The following MXRA5 variants were observed in gnomAD, a reference collection of about 807,000 sequenced individuals.
The protein encoded by MXRA5 is matrix remodeling associated 5, also known as matrix-remodeling-associated protein 5.
Under a neutral mutation model 112.5 loss-of-function variants are expected in MXRA5, and 41 were observed. The observed-to-expected ratio is 0.36, with a 90% CI of 0.28 to 0.47. The LOEUF (loss-of-function observed/expected upper bound fraction) is 0.47. MXRA5 is among the 20% of genes least tolerant of loss of function. MXRA5 has a pLI of 0.99. For missense variants in MXRA5, 2,150 were observed against 2,251.0 expected, an observed-to-expected ratio of 0.96 and a Z score of 0.91; for synonymous variants, 862 against 900.8, an observed-to-expected ratio of 0.96 and a Z score of 0.77.
At chrX:3,342,077 G>A (rs1176065566) in intron 2 of MXRA5, among the ~76,000 whole-genome samples, 2 of 110,628 alleles carry the variant, frequency 1.8e-5, no homozygotes, top group South Asian at 3.8e-4. Flanking sequence ...GAAGGAAATC[G>A]TGTCCTTTCC....
rs747310407 is a variant in MXRA5, at chrX:3,324,172, C to A, written c.1513G>T (p.Ala505Ser). Residue 505 changes from alanine (A) to serine (S), a missense_variant, in exon 5 of 7, where the codon GCT becomes TCT. By Grantham distance (99) the Ala-to-Ser change is moderately conservative. Transcript: ENST00000217939. ...CAGAAGATAGATGGACTCTCAGAAG[C>A]TTTCACGTTGCAGCTCAACTGGCAT... ...GPCQLSCNVK[A>S]SESPSIFWVL... The A allele has an allele frequency of 8.3e-7, 1 of 1,211,622 alleles. No homozygotes were observed. Among genetic ancestry groups the A allele is most frequent in the Non-Finnish European group, 1.1e-6 (1 of 895,529 alleles).
intron 2 of MXRA5, among the ~76,000 whole-genome samples, chrX:3,343,259 T>C (rs1426332856): frequency 8.9e-6 from 1 of 112,601 alleles, no homozygotes; most frequent in Non-Finnish European, 1.9e-5. Context: ...TGCTTATTTT[T>C]ATTATTCTTA....
At position 3,330,757 on chromosome X, in the gene MXRA5, C is replaced by T; in HGVS notation, c.205G>A (p.Ala69Thr). 1 of 1,185,542 alleles carries T rather than the reference C, an allele frequency of 8.4e-7. No homozygotes were observed. The highest frequency in any genetic ancestry group is 3.0e-5 in the East Asian group (1 of 33,553). ...CCTGCAAATGAGGTTTCTGACAGGGCCTGTATGCTATTAAACCTAAAGAAT... is the reference window on the plus strand; with the variant it reads ...CCTGCAAATGAGGTTTCTGACAGGGTCTGTATGCTATTAAACCTAAAGAAT... ...RINLGFNSIQ[A>T]LSETSFAGLT... Residue 69 changes from alanine to threonine, a missense_variant, in exon 3 of 7, where the codon GCC becomes ACC. By Grantham distance (58) the Ala-to-Thr change is moderately conservative. Around this residue, in one of 6 missense-constraint regions of MXRA5, gnomAD observed 386 missense variants for 411.0 expected, o/e 0.94. Coordinates refer to ENST00000217939, the MANE Select transcript of MXRA5 (RefSeq NM_015419.4).
At position 3,320,258 on chromosome X, in the gene MXRA5, G is replaced by C; in HGVS notation, c.5427C>G (p.Val1809=). ...PSTNLQNIPM[V]SSTQSSISFI... ...AGGAGATAGAACTCTGGGTGGAAGAGACCATAGGGATATTCTGTAAGTTAG... is the reference window on the plus strand; with the variant it reads ...AGGAGATAGAACTCTGGGTGGAAGACACCATAGGGATATTCTGTAAGTTAG... Residue 1809 remains valine (V), a synonymous_variant, in exon 5 of 7, where the codon GTC becomes GTG. Transcript: ENST00000217939. 1.7e-6 allele frequency: 2 copies of C among 1,211,035 alleles called. No individual in the cohort carries two copies. Among genetic ancestry groups the C allele is most frequent in the Non-Finnish European group, 2.2e-6 (2 of 894,874 alleles).
At position 3,317,113 on chromosome X, in the gene MXRA5, C is replaced by A. The variant is rs778809074; in HGVS notation, c.6568G>T (p.Ala2190Ser). ...WRLPSKRMIDALFSFDSRIKV... is the reference protein window; with the variant it reads ...WRLPSKRMIDSLFSFDSRIKV... ...CGCAGAGCTGCCTACCTGAAGAGCG[C>A]GTCGATCATCCTCTTGGACGGCAGC... is the stretch of plus-strand genomic sequence containing the variant. The change falls in exon 6 of 7, where the codon GCG becomes TCG. Residue 2190 changes from alanine (A) to serine (S), a missense_variant. Transcript: ENST00000217939. 2 of 1,166,151 alleles carry A rather than the reference C, an allele frequency of 1.7e-6. No homozygotes were observed. The highest frequency in any genetic ancestry group is 2.4e-5 in the Admixed American group (1 of 41,070).
Position 3,323,342 on chromosome X carries a change from C to T in MXRA5, c.2343G>A (p.Glu781=). The T allele has an allele frequency of 1.7e-6, 2 of 1,211,645 alleles. No individual in the cohort carries two copies. Among genetic ancestry groups the T allele is most frequent in the Non-Finnish European group, 2.2e-6 (2 of 895,475 alleles). Residue 781 remains glutamate, a synonymous_variant, in exon 5 of 7, where the codon GAG becomes GAA. Coordinates refer to ENST00000217939, the MANE Select transcript of MXRA5 (RefSeq NM_015419.4). ...INMANKQINP[E]RWADILAKVR... The stretch of plus-strand genomic sequence containing the variant: ...CTTTGGCTAAAATATCAGCCCAGCG[C>T]TCCGGATTAATCTGTTTGTTTGCCA...
chrX:3,323,481 T>C lies in MXRA5; in HGVS notation c.2204A>G (p.Lys735Arg). ...KTKDDAINGD[K>R]KAKKGRRKLK... ...CTTTCTTCTCCCTTTCTTGGCTTTC[T>C]TGTCTCCATTGATGGCATCATCCTT... The change falls in exon 5 of 7, where the codon AAG becomes AGG. Residue 735 changes from lysine (K) to arginine (R), a missense_variant. Coordinates refer to ENST00000217939, the MANE Select transcript of MXRA5 (RefSeq NM_015419.4). 8.3e-7 allele frequency: 1 copy of C among 1,212,012 alleles called. No homozygotes were observed. The highest frequency in any genetic ancestry group is 1.1e-6 in the Non-Finnish European group (1 of 895,597).
rs1921401519 is a variant in MXRA5 at position 3,324,340 on chromosome X, T to C, written c.1345A>G (p.Lys449Glu). The part of the protein sequence containing the change: ...IQLNRRQSTA[K>E]KVLLSYYTQY... ...GTGTAGTAGGAAAGTAGCACCTTCTTGGCCGTACTCTGACGTCGGTTCAGC... is the reference window on the plus strand; with the variant it reads ...GTGTAGTAGGAAAGTAGCACCTTCTCGGCCGTACTCTGACGTCGGTTCAGC... Residue 449 changes from lysine to glutamate, a missense_variant, in exon 5 of 7, where the codon AAG (lysine) becomes GAG (glutamate). By Grantham distance (56) the Lys-to-Glu change is moderately conservative (BLOSUM62 1). This residue lies in a region of MXRA5 where 386 missense variants were observed against 411.0 expected (regional missense o/e 0.94). Coordinates refer to ENST00000217939, the MANE Select transcript of MXRA5 (RefSeq NM_015419.4). The C allele has an allele frequency of 8.3e-7, 1 of 1,211,570 alleles. No homozygotes were observed. The highest frequency in any genetic ancestry group is 2.3e-4 in the Middle Eastern group (1 of 4,356).
In MXRA5 at chrX:3,320,227, T is replaced by C; in HGVS notation, c.5458A>G (p.Thr1820Ala). 8.3e-7 allele frequency: 1 copy of C among 1,210,826 alleles called. No homozygotes were observed. The highest frequency in any genetic ancestry group is 1.1e-6 in the Non-Finnish European group (1 of 895,099). The change falls in exon 5 of 7, where the codon ACA becomes GCA. Residue 1820 changes from threonine (T) to alanine (A), a missense_variant. Thr to Ala is a moderately conservative substitution (Grantham distance 58). Coordinates refer to ENST00000217939, the MANE Select transcript of MXRA5 (RefSeq NM_015419.4). ...SSTQSSISFI[T>A]SSVQSSGSFH... ...CTTCCTGAGGACTGGACAGAAGATG[T>C]TATAAAGGAGATAGAACTCTGGGTG...
rs1309475996 is a variant in MXRA5 at position 3,316,942 on chromosome X, C to T, written c.6578+161G>A. Among the ~76,000 whole-genome samples the T allele has an allele frequency of 2.7e-5, 3 of 111,926 alleles. No individual in the cohort carries two copies. The Admixed American group carries it at 2.8e-4, about 11-fold the overall frequency. On this transcript the variant is annotated intron_variant, in intron 6 of 6. Coordinates refer to ENST00000217939, the MANE Select transcript of MXRA5 (RefSeq NM_015419.4). ...CCGCCCGCCTCGTCCTCCCAAAGTG[C>T]TGGGATTACAGGCGTGAGCCACCGT...
At chrX:3,338,406 T>C (rs1361817658) in intron 2 of MXRA5, among the ~76,000 whole-genome samples, 1 of 110,977 alleles carries the variant, frequency 9.0e-6, no homozygotes, top group Non-Finnish European at 1.9e-5. Context: ...GATAGATAGA[T>C]AGATAGACAG....
intron 2 of MXRA5, among the ~76,000 whole-genome samples, chrX:3,341,157 ATTATATAT>A (rs1921935245): frequency 7.0e-4 from 5 of 7,133 alleles, no homozygotes; most frequent in African/African-American, 1.1e-3. Flanking sequence ...TATATTATAT[ATTATATAT>A]TATATACATA....
Position 3,311,304 on chromosome X carries a change from C to A in MXRA5, c.6899G>T (p.Arg2300Leu), listed in dbSNP as rs776590689. ...TGTCCCATTGTTGAAGACGACATAG[C>A]GCTTGGTGCGTCCACCGCTGTCATC... Reference protein sequence around the residue: ...QSDDSGGRTKRYVVFNNGTLY... With the variant: ...QSDDSGGRTKLYVVFNNGTLY... The change falls in exon 7 of 7, where the codon CGC becomes CTC. Residue 2300 changes from arginine (R) to leucine (L), a missense_variant. Transcript: ENST00000217939. The A allele has an allele frequency of 5.8e-6, 7 of 1,210,146 alleles. 1 individual carries two copies. The East Asian group carries it at 2.1e-4, about 36-fold the overall frequency.
intron 4 of MXRA5, among the ~76,000 whole-genome samples, chrX:3,326,044 T>C (rs1400989001): frequency 2.8e-5 from 2 of 72,338 alleles, no homozygotes; most frequent in Non-Finnish European, 4.7e-5. Context: ...AATTTATATA[T>C]AAATATATTT....
chrX:3,323,205 G>T lies in MXRA5; in HGVS notation c.2480C>A (p.Pro827His), dbSNP rs41304689. 2.4e-5 allele frequency: 29 copies of T among 1,209,101 alleles called. No homozygotes were observed. The highest frequency in any genetic ancestry group is 3.0e-5 in the Non-Finnish European group (27 of 895,020). ...VTPPFPAISP[P>H]SASPVQTVTS... ...TACTGTCTGCACAGGAGATGCTGAG[G>T]GGGGAGAAATAGCAGGAAAAGGTGG... The change falls in exon 5 of 7, where the codon CCC becomes CAC. Residue 827 changes from proline to histidine, a missense_variant. Transcript: ENST00000217939.
intron 2 of MXRA5, among the ~76,000 whole-genome samples, chrX:3,342,653 T>C (rs1424838162): frequency 3.6e-5 from 4 of 112,036 alleles, no homozygotes; most frequent in Non-Finnish European, 5.6e-5. Flanking sequence ...TCTTATTCCC[T>C]CAACGTTTCA....
rs41304689 is a variant in MXRA5 at position 3,323,205 on chromosome X, G to C, written c.2480C>G (p.Pro827Arg). Residue 827 changes from proline (P) to arginine (R), a missense_variant, in exon 5 of 7, where the codon CCC becomes CGC. This residue lies in a region of MXRA5 where 1,485 missense variants were observed against 1,471.6 expected (regional missense o/e 1.01). Coordinates refer to ENST00000217939, the MANE Select transcript of MXRA5 (RefSeq NM_015419.4). The stretch of plus-strand genomic sequence containing the variant: ...TACTGTCTGCACAGGAGATGCTGAG[G>C]GGGGAGAAATAGCAGGAAAAGGTGG... ...VTPPFPAISP[P>R]SASPVQTVTS... The C allele has an allele frequency of 5.5e-3, 6,665 of 1,209,150 alleles. 15 individuals carry two copies. The highest frequency in any genetic ancestry group is 6.7e-3 in the Middle Eastern group (29 of 4,352).
intron 2 of MXRA5, among the ~76,000 whole-genome samples, chrX:3,332,420 A>G (rs1487506587): frequency 9.2e-6 from 1 of 108,312 alleles, no homozygotes. Context: ...AATTTTTTGT[A>G]TTTTTAGTAG....
rs2146922297 is a variant in MXRA5, at chrX:3,322,434, T to C, written c.3251A>G (p.Glu1084Gly). The change falls in exon 5 of 7, where the codon GAG becomes GGG. Residue 1084 changes from glutamate to glycine, a missense_variant. Around this residue, in one of 6 missense-constraint regions of MXRA5, gnomAD observed 1,485 missense variants for 1,471.6 expected, o/e 1.01. Coordinates refer to ENST00000217939, the MANE Select transcript of MXRA5 (RefSeq NM_015419.4). ...EGDPTHSRSS[E>G]SEGQESKSIT... ...GGATTTGCTCTCTTGGCCCTCACTC[T>C]CAGAACTTCTGGAGTGTGTGGGGTC... The C allele has an allele frequency of 8.3e-6, 10 of 1,211,668 alleles. No homozygotes were observed. Among genetic ancestry groups the C allele is most frequent in the Non-Finnish European group, 1.1e-5 (10 of 895,386 alleles).
Sources: allele counts gnomAD v4.1 joint callset (sites outside exome capture counted in the v4.1 genomes callset), GRCh38; gene constraint gnomAD v4.1.1; regional missense constraint gnomAD v4.1.1; transcripts MANE v1.5; gene names NCBI Gene and HGNC (gene_info 2026-07-23, HGNC 2026-07-21).